LRAT: variants seen among roughly 807,000 people sequenced by gnomAD.
LRAT encodes the protein lecithin retinol acyltransferase (phosphatidylcholine--retinol O-acyltransferase).
Under a neutral mutation model 14.2 loss-of-function variants are expected in LRAT, and 11 were observed. The observed-to-expected ratio is 0.78, with a 90% CI of 0.49 to 1.29. The LOEUF (loss-of-function observed/expected upper bound fraction) is 1.29, where lower values mean the gene tolerates loss of function less well. Ranked by LOEUF, LRAT falls within the 50% of genes most tolerant of loss-of-function variation. The pLI, the probability that LRAT is intolerant of heterozygous loss-of-function variation, is 0.00. For synonymous variants in LRAT, 144 were observed against 124.8 expected (o/e 1.15, Z -1.03); for missense variants, 274 against 292.4 (o/e 0.94, Z 0.46).
chr4:154,747,897 G>C (rs929089952), intron 2 of LRAT, among the ~76,000 whole-genome samples: 1 of 152,096 alleles, frequency 6.6e-6, no homozygotes, highest in Non-Finnish European at 1.5e-5. Flanking sequence ...AGTATGGATA[G>C]AGATAACCAT....
rs1464796147 is a variant in LRAT, at chr4:154,752,191, T to C, written c.*3055T>C. ...GATATGACCAAATTTATACAAACCA[T>C]GTACCAACACTTGAAAGATGGGTGG... On this transcript the variant is annotated 3_prime_UTR_variant, in exon 3 of 3. Transcript: ENST00000336356. 2 of 152,170 alleles carry C rather than the reference T, an allele frequency of 1.3e-5. No individual in the cohort carries two copies. The highest frequency in any genetic ancestry group is 2.1e-4 in the South Asian group (1 of 4,828). The allele number at this position is 152,170 out of a possible 1,614,324, so 9.4% of individuals were successfully genotyped here.
At chr4:154,746,073 A>G (rs1404120429) in intron 2 of LRAT, among the ~76,000 whole-genome samples, 1 of 152,208 alleles carries the variant, frequency 6.6e-6, no homozygotes. Flanking sequence ...TTTCCTTTTA[A>G]AACCTCTTAA....
At chr4:154,743,778 A>G (rs1214802474), upstream of LRAT, among the ~76,000 whole-genome samples, 1 of 152,026 alleles carries the variant, frequency 6.6e-6, no homozygotes, top group Non-Finnish European at 1.5e-5. Flanking sequence ...CTTAAAAGCC[A>G]GTAGTGCAAC....
At chr4:154,743,072 G>C (rs1324938843), upstream of LRAT, among the ~76,000 whole-genome samples, 1 of 147,238 alleles carries the variant, frequency 6.8e-6, no homozygotes, top group Non-Finnish European at 1.5e-5. Flanking sequence ...GAGAGGCCTC[G>C]GGTTCAAATC....
At chr4:154,741,069 T>C (rs1732761505), upstream of LRAT, among the ~76,000 whole-genome samples, 3 of 152,146 alleles carry the variant, frequency 2.0e-5, no homozygotes. Context: ...TGTAAACGTA[T>C]TTTTATGAAG....
At position 154,751,438 on chromosome 4, in the gene LRAT, T is replaced by G. The variant is rs1201862714; in HGVS notation, c.*2302T>G. On this transcript the variant is annotated 3_prime_UTR_variant, in exon 3 of 3. Transcript: ENST00000336356. ...AAAAGCACATCTTCCTGATCACAGTTATAAAAGAAACCCTGAGGCCGGGCG... is the reference window on the plus strand; with the variant it reads ...AAAAGCACATCTTCCTGATCACAGTGATAAAAGAAACCCTGAGGCCGGGCG... The G allele has an allele frequency of 6.6e-6, 1 of 152,040 alleles. No individual in the cohort carries two copies. Among genetic ancestry groups the G allele is most frequent in the Non-Finnish European group, 1.5e-5 (1 of 68,038 alleles). The allele number at this position is 152,040 out of a possible 1,614,324, so 9.4% of individuals were successfully genotyped here.
At position 154,744,282 on chromosome 4, in the gene LRAT, C is replaced by G. The variant is rs761342487; in HGVS notation, c.-1-44C>G. Reference sequence around the variant, plus strand: ...TTAACTTGCCCAGCCCGGCCCCTGCCGGAGTGGCACCGGCACCTCTCCAAG... The same window carrying G: ...TTAACTTGCCCAGCCCGGCCCCTGCGGGAGTGGCACCGGCACCTCTCCAAG... On this transcript the variant is annotated intron_variant, in intron 1 of 2. Transcript: ENST00000336356. 4 of 1,604,216 alleles carry G rather than the reference C, an allele frequency of 2.5e-6. No individual in the cohort carries two copies. In the South Asian group the frequency reaches 4.4e-5, roughly 18 times the overall value.
intron 2 of LRAT, among the ~76,000 whole-genome samples, chr4:154,747,101 A>G (rs578209170): frequency 6.6e-6 from 1 of 152,262 alleles, no homozygotes; most frequent in African/African-American, 2.4e-5. Flanking sequence ...TATGCAACTA[A>G]TATTAACATG....
rs1334407576 is a variant in LRAT at position 154,749,100 on chromosome 4, A to G, written c.657A>G (p.Ala219=). 13 of 1,613,678 alleles carry G rather than the reference A, an allele frequency of 8.1e-6. No individual in the cohort carries two copies. Among genetic ancestry groups the G allele is most frequent in the Middle Eastern group, 1.6e-4 (1 of 6,084 alleles). Residue 219 remains alanine (A), a synonymous_variant, in exon 3 of 3, where the codon GCA becomes GCG. Transcript: ENST00000336356. ...TGLVSYTTLP[A]IFIPFFLWMA... The stretch of plus-strand genomic sequence containing the variant: ...TGGTATCATACACTACCCTTCCTGC[A>G]ATTTTTATTCCATTCTTCCTATGGA...
upstream of LRAT, among the ~76,000 whole-genome samples, chr4:154,741,830 A>G (rs1732773415): frequency 6.6e-6 from 1 of 152,210 alleles, no homozygotes; most frequent in Admixed American, 6.5e-5. Context: ...ATATGTATAT[A>G]GCTATGTGGA....
chr4:154,747,465 G>C lies in LRAT; in HGVS notation c.541-1519G>C, dbSNP rs3775788. ...ATTTGTGTGGATTGAGTGCTCACAA[G>C]AGTGTTCCTACAGACTTATTGACCC... On this transcript the variant is annotated intron_variant, in intron 2 of 2. Transcript: ENST00000336356. 1.6e-4 allele frequency among the ~76,000 whole-genome samples: 24 copies of C among 152,132 alleles called. No individual in the cohort carries two copies. The East Asian group carries it at 4.2e-3, about 27-fold the overall frequency.
At chr4:154,742,931 A>T (rs7660756), upstream of LRAT, among the ~76,000 whole-genome samples, 1 of 151,578 alleles carries the variant, frequency 6.6e-6, no homozygotes, top group African/African-American at 2.4e-5. Context: ...AGCTGGGTCC[A>T]TGTGACCCTG....
chr4:154,749,917 T>C lies in LRAT; in HGVS notation c.*781T>C, dbSNP rs577405452. ...TATAGGATTGAAGTTATGTGGGTATTTGGCATGTGTGTGTGAAATAAATAT... is the reference window on the plus strand; with the variant it reads ...TATAGGATTGAAGTTATGTGGGTATCTGGCATGTGTGTGTGAAATAAATAT... On this transcript the variant is annotated 3_prime_UTR_variant, in exon 3 of 3. Transcript: ENST00000336356. 2.0e-5 allele frequency: 3 copies of C among 152,332 alleles called. No homozygotes were observed. Among genetic ancestry groups the C allele is most frequent in the African/African-American group, 7.2e-5 (3 of 41,564 alleles). 9.4% of individuals were successfully genotyped at this position (152,332 alleles called of 1,614,324 possible).
intron 2 of LRAT, 31 bp downstream of exon 2, chr4:154,744,897 C>T: frequency 6.2e-7 from 1 of 1,607,882 alleles, no homozygotes. Context: ...GGGAAGTGGG[C>T]TCCGCGGAGA....
intron 2 of LRAT, among the ~76,000 whole-genome samples, chr4:154,746,930 G>GA (rs905034610): frequency 6.1e-5 from 9 of 148,490 alleles, no homozygotes; most frequent in Middle Eastern, 3.5e-3. Context: ...TTTCCCGGGG[G>GA]AAAAAAAAAA....
At chr4:154,746,348 TTCTC>T (rs1364487371) in intron 2 of LRAT, among the ~76,000 whole-genome samples, 3 of 152,244 alleles carry the variant, frequency 2.0e-5, no homozygotes, top group African/African-American at 7.2e-5. Flanking sequence ...GGGAACATCT[TTCTC>T]TATCCTCTGT....
At chr4:154,744,916 C>T in intron 2 of LRAT, 50 bp downstream of exon 2, 2 of 1,585,428 alleles carry the variant, frequency 1.3e-6, no homozygotes, top group Non-Finnish European at 1.7e-6. Flanking sequence ...GATGCCCCCT[C>T]CCATCCCTGA....
At chr4:154,742,314 TG>T (rs2111029033), upstream of LRAT, among the ~76,000 whole-genome samples, 1 of 152,302 alleles carries the variant, frequency 6.6e-6, no homozygotes, top group South Asian at 2.1e-4. Flanking sequence ...TCCTCTTTGC[TG>T]GGACTATAAT....
Position 154,749,328 on chromosome 4 carries a change from G to A in LRAT, c.*192G>A, listed in dbSNP as rs975518432. 35 of 621,126 alleles carry A rather than the reference G, an allele frequency of 5.6e-5. No homozygotes were observed. The highest frequency in any genetic ancestry group is 7.4e-5 in the African/African-American group (4 of 54,216). 38.5% of individuals were successfully genotyped at this position (621,126 alleles called of 1,614,324 possible). Reference sequence around the variant, plus strand: ...ACAAAGGCTTTCTGAATCTTCTCAGGCAGTTCAGATTTAAAGCACCATCCA... The same window carrying A: ...ACAAAGGCTTTCTGAATCTTCTCAGACAGTTCAGATTTAAAGCACCATCCA... On this transcript the variant is annotated 3_prime_UTR_variant, in exon 3 of 3. Coordinates refer to ENST00000336356, the MANE Select transcript of LRAT (RefSeq NM_004744.5).
Sources: gnomAD v4.1 joint callset for allele counts (sites outside exome capture counted in the v4.1 genomes callset) on GRCh38, gnomAD v4.1.1 for gene constraint, MANE v1.5 for transcripts, NCBI Gene and HGNC (gene_info 2026-07-23, HGNC 2026-07-21) for gene names.